ABCA13: variants seen among roughly 807,000 people sequenced by gnomAD.
The protein encoded by ABCA13 is ATP-binding cassette sub-family A member 13.
In ABCA13, 476 loss-of-function variants were observed where a neutral mutation model predicts 478.7. The observed-to-expected ratio is 0.99, with a 90% CI of 0.92 to 1.07. The LOEUF (loss-of-function observed/expected upper bound fraction) is 1.07, where lower values mean the gene tolerates loss of function less well. ABCA13 is among the 50% of genes least tolerant of loss of function. The pLI is 0.00. For synonymous variants in ABCA13, 2,252 were observed against 2,158.9 expected, an observed-to-expected ratio of 1.04 and a Z score of -1.20; for missense variants, 6,060 against 5,910.6, an observed-to-expected ratio of 1.03 and a Z score of -0.83.
intron 7 of ABCA13, among the ~76,000 whole-genome samples, chr7:48,230,354 T>C (rs932625104): frequency 6.6e-6 from 1 of 152,240 alleles, no homozygotes; most frequent in Non-Finnish European, 1.5e-5. Context: ...GGCAGGTTGA[T>C]GTGGACTTAC....
At chr7:48,597,021 G>C (rs565767384) in intron 58 of ABCA13, among the ~76,000 whole-genome samples, 2 of 150,494 alleles carry the variant, frequency 1.3e-5, no homozygotes, top group South Asian at 4.2e-4. Context: ...GCACGATCTT[G>C]GCTCACTGCA....
intron 4 of ABCA13, among the ~76,000 whole-genome samples, chr7:48,220,647 A>G (rs143721232): frequency 0.025 from 3,866 of 152,256 alleles, 65 homozygotes; most frequent in Middle Eastern, 0.037. Flanking sequence ...TGATTTCACA[A>G]TGGACCCAAA....
chr7:48,330,997 A>G (rs758601457), intron 27 of ABCA13, among the ~76,000 whole-genome samples: 1 of 152,184 alleles, frequency 6.6e-6, no homozygotes, highest in Non-Finnish European at 1.5e-5. Context: ...TCCTTTTCAA[A>G]TCTTCAAATT....
chr7:48,290,163 G>A (rs1201691868), intron 20 of ABCA13, among the ~76,000 whole-genome samples: 2 of 152,160 alleles, frequency 1.3e-5, no homozygotes, highest in African/African-American at 4.8e-5. Flanking sequence ...CCAAATAGTA[G>A]AAAGTAGCAA....
chr7:48,590,021 G>C (rs1391578738), intron 57 of ABCA13, among the ~76,000 whole-genome samples: 1 of 152,070 alleles, frequency 6.6e-6, no homozygotes, highest in East Asian at 1.9e-4. Flanking sequence ...CTGTATATTA[G>C]GTCTCCAGAA....
At chr7:48,400,973 G>C (rs750935041) in intron 38 of ABCA13, among the ~76,000 whole-genome samples, 1 of 152,242 alleles carries the variant, frequency 6.6e-6, no homozygotes, top group East Asian at 1.9e-4. Flanking sequence ...CAGTCCATGT[G>C]GGGGGTGAGA....
At chr7:48,246,066 CA>C (rs2128678930) in intron 13 of ABCA13, 36 bp downstream of exon 13, 1 of 1,576,430 alleles carries the variant, frequency 6.3e-7, no homozygotes, top group Middle Eastern at 1.8e-4. Context: ...TCTAAGGGCA[CA>C]AATTTAAGAT....
intron 50 of ABCA13, 22 bp downstream of exon 50, chr7:48,508,071 C>G (rs777971940): frequency 6.2e-7 from 1 of 1,613,518 alleles, no homozygotes; most frequent in Non-Finnish European, 8.5e-7. Flanking sequence ...GAATGAGATT[C>G]TGTGTGCCTC....
chr7:48,528,106 C>A lies in ABCA13; in HGVS notation c.14245-130C>A, dbSNP rs573227481. Reference sequence around the variant, plus strand: ...TTTAAAACTCCATAAATAACACAAACCAGCAAAGTCAACTCAAAGTTGGCT... The same window carrying A: ...TTTAAAACTCCATAAATAACACAAAACAGCAAAGTCAACTCAAAGTTGGCT... On this transcript the variant is annotated intron_variant, in intron 54 of 61. Coordinates refer to ENST00000435803, the MANE Select transcript of ABCA13 (RefSeq NM_152701.5). The A allele has an allele frequency of 6.2e-5, 44 of 707,332 alleles. No homozygotes were observed. In the African/African-American group the frequency reaches 6.9e-4, roughly 11 times the overall value. The allele number at this position is 707,332 out of a possible 1,614,324, so 43.8% of individuals were successfully genotyped here.
At chr7:48,460,360 C>T (rs1255990374) in intron 43 of ABCA13, among the ~76,000 whole-genome samples, 1 of 152,222 alleles carries the variant, frequency 6.6e-6, no homozygotes, top group Non-Finnish European at 1.5e-5. Context: ...TCTCTGAAGG[C>T]TCCAGGGGAG....
intron 29 of ABCA13, among the ~76,000 whole-genome samples, chr7:48,346,729 G>A (rs1235551784): frequency 2.0e-5 from 3 of 152,092 alleles, no homozygotes; most frequent in Non-Finnish European, 4.4e-5. Flanking sequence ...AATTTCATGG[G>A]TAATTTTGCT....
intron 23 of ABCA13, among the ~76,000 whole-genome samples, chr7:48,303,338 A>G (rs1800425100): frequency 6.6e-6 from 1 of 151,940 alleles, no homozygotes; most frequent in African/African-American, 2.4e-5. Flanking sequence ...TTTTTAGTTT[A>G]ATTAGGTCCC....
At chr7:48,254,058 TAAG>T (rs761717108) in intron 15 of ABCA13, among the ~76,000 whole-genome samples, 23 of 152,058 alleles carry the variant, frequency 1.5e-4, no homozygotes, top group Non-Finnish European at 2.9e-4. Flanking sequence ...ATTTTCTAGT[TAAG>T]AAATTCTTTC....
chr7:48,492,917 T>G (rs1298758794), intron 48 of ABCA13, among the ~76,000 whole-genome samples: 1 of 152,092 alleles, frequency 6.6e-6, no homozygotes, highest in South Asian at 2.1e-4. Context: ...TCCCAGCTAC[T>G]TGGGAGGCTG....
chr7:48,264,257 T>G (rs528159866), intron 15 of ABCA13, among the ~76,000 whole-genome samples: 29 of 152,050 alleles, frequency 1.9e-4, no homozygotes, highest in African/African-American at 6.3e-4. Flanking sequence ...GCTGTGAACA[T>G]TCACGGACAA....
intron 32 of ABCA13, among the ~76,000 whole-genome samples, chr7:48,371,172 G>C (rs1375903331): frequency 1.3e-5 from 2 of 152,102 alleles, no homozygotes; most frequent in Admixed American, 1.3e-4. Context: ...TGCTGTTTTG[G>C]TTACTGTAGC....
At chr7:48,445,381 T>C (rs574917386) in intron 42 of ABCA13, among the ~76,000 whole-genome samples, 1 of 152,314 alleles carries the variant, frequency 6.6e-6, no homozygotes, top group Non-Finnish European at 1.5e-5. Context: ...TTTCATCTTC[T>C]GGGACTCAAA....
chr7:48,304,750 T>G (rs1428861761), intron 23 of ABCA13, among the ~76,000 whole-genome samples: 1 of 152,106 alleles, frequency 6.6e-6, no homozygotes, highest in Admixed American at 6.5e-5. Flanking sequence ...CAAACCTGCA[T>G]GTACTCCGTA....
chr7:48,554,045 G>A (rs1347644649), intron 55 of ABCA13, among the ~76,000 whole-genome samples: 3 of 151,928 alleles, frequency 2.0e-5, no homozygotes, highest in Non-Finnish European at 4.4e-5. Flanking sequence ...CTCTGCATAT[G>A]GATATCCAGT....
Sources: allele counts gnomAD v4.1 joint callset (sites outside exome capture counted in the v4.1 genomes callset), GRCh38; gene constraint gnomAD v4.1.1; transcripts MANE v1.5; gene names NCBI Gene and HGNC (gene_info 2026-07-23, HGNC 2026-07-21).